Variants in SEC14L6 observed in about 807,000 individuals in gnomAD.
The protein encoded by SEC14L6 is SEC14-like protein 6.
In SEC14L6, 40 loss-of-function variants were observed where a neutral mutation model predicts 54.1. The ratio of observed to expected loss-of-function variants is 0.74; its 90% CI spans 0.57 to 0.96. The LOEUF (loss-of-function observed/expected upper bound fraction) is 0.96, where lower values mean the gene tolerates loss of function less well. Ranked by LOEUF, SEC14L6 falls within the 40% of genes least tolerant of loss-of-function variation. The probability of loss-of-function intolerance (pLI) is 0.00; values close to 1 mark genes in which losing one functional copy is unlikely to be tolerated. For synonymous variants in SEC14L6, 171 were observed against 198.4 expected, an observed-to-expected ratio of 0.86 and a Z score of 1.16; for missense variants, 471 against 498.3, an observed-to-expected ratio of 0.95 and a Z score of 0.52.
Position 30,523,717 on chromosome 22 carries a change from T to C in SEC14L6, c.*1280A>G, listed in dbSNP as rs1310997448. 6.6e-6 allele frequency: 1 copy of C among 152,168 alleles called. No homozygotes were observed. The highest frequency in any genetic ancestry group is 1.5e-5 in the Non-Finnish European group (1 of 68,040). 9.4% of individuals were successfully genotyped at this position (152,168 alleles called of 1,614,324 possible). On this transcript the variant is annotated 3_prime_UTR_variant, in exon 12 of 12. Coordinates refer to ENST00000402034, the MANE Select transcript of SEC14L6 (RefSeq NM_001193336.4). ...TCCAGAGCTCAAGCAGATTCTCAGA[T>C]GCTATAACAGTGGGAGGGAACGTGT...
chr22:30,525,299 C>A, intron 11 of SEC14L6, 51 bp downstream of exon 11: 2 of 1,583,852 alleles, frequency 1.3e-6, no homozygotes, highest in Non-Finnish European at 1.7e-6. Flanking sequence ...CATTGTAGCA[C>A]CCTCCCCCTA....
At chr22:30,534,539 G>A (rs1434501527) in intron 2 of SEC14L6, among the ~76,000 whole-genome samples, 1 of 151,848 alleles carries the variant, frequency 6.6e-6, no homozygotes, top group East Asian at 1.9e-4. Flanking sequence ...AGTCTCCTGA[G>A]TAGCTGAGAT....
Position 30,524,091 on chromosome 22 carries a change from G to A in SEC14L6, c.*906C>T, listed in dbSNP as rs538230014. On this transcript the variant is annotated 3_prime_UTR_variant, in exon 12 of 12. Coordinates refer to ENST00000402034, the MANE Select transcript of SEC14L6 (RefSeq NM_001193336.4). Reference sequence around the variant, plus strand: ...CAGCTAGTGACAGCCCTTATTCCACGGAGCCTGCTGAAATTATTCAAACTA... The same window carrying A: ...CAGCTAGTGACAGCCCTTATTCCACAGAGCCTGCTGAAATTATTCAAACTA... 8 of 152,260 alleles carry A rather than the reference G, an allele frequency of 5.3e-5. No homozygotes were observed. The highest frequency in any genetic ancestry group is 3.9e-4 in the East Asian group (2 of 5,178). The allele number at this position is 152,260 out of a possible 1,614,324, so 9.4% of individuals were successfully genotyped here.
At chr22:30,542,465 C>A (rs2085736714) in intron 1 of SEC14L6, 1 of 541,096 alleles carries the variant, frequency 1.8e-6, no homozygotes, top group Admixed American at 4.1e-5. Flanking sequence ...GCAGCGCTGA[C>A]CTCAGAAAAA....
At chr22:30,538,347 A>G (rs79202443) in intron 2 of SEC14L6, among the ~76,000 whole-genome samples, 6 of 151,732 alleles carry the variant, frequency 4.0e-5, no homozygotes, top group South Asian at 2.1e-4. Context: ...AAAAAAAAAA[A>G]AAAAGAAAGA....
In SEC14L6 at chr22:30,525,387, AG is replaced by A. The variant is rs780582977; in HGVS notation, c.1043del (p.Pro348LeufsTer16). 5 of 1,614,132 alleles carry A rather than the reference AG, an allele frequency of 3.1e-6. No homozygotes were observed. The highest frequency in any genetic ancestry group is 3.4e-6 in the Non-Finnish European group (4 of 1,180,008). ...GGAGGCAGGTGAGAATCCCATCTTC[AG>A]GCACCATGTGGGCATTGTAGCGCTG... Reference protein sequence around the residue: ...PSQRYNAHMVPEDGILTCLQA... With the variant: ...PSQRYNAHMVXEDGILTCLQA... On this transcript the variant is annotated frameshift_variant, in exon 11 of 12. Transcript: ENST00000402034. LOFTEE classifies it high-confidence loss of function.
Position 30,546,618 on chromosome 22 carries a change from C to T in SEC14L6, c.54+11G>A. ...ACTGAGGCTGGTGTAGGAGTCTCTCCCTTCACTCACCTGGGCCAGCGACTT... is the reference window on the plus strand; with the variant it reads ...ACTGAGGCTGGTGTAGGAGTCTCTCTCTTCACTCACCTGGGCCAGCGACTT... On this transcript the variant is annotated intron_variant, in intron 1 of 11. Transcript: ENST00000402034. The T allele has an allele frequency of 2.6e-6, 4 of 1,549,872 alleles. No individual in the cohort carries two copies. Among genetic ancestry groups the T allele is most frequent in the Non-Finnish European group, 3.5e-6 (4 of 1,146,514 alleles).
At position 30,532,590 on chromosome 22, in the gene SEC14L6, A is replaced by G. The variant is rs776464574; in HGVS notation, c.358T>C (p.Leu120=). The change falls in exon 5 of 12, where the codon TTG becomes CTG. Residue 120 remains leucine, a synonymous_variant. Coordinates refer to ENST00000402034, the MANE Select transcript of SEC14L6 (RefSeq NM_001193336.4). ...GLLLSASKQE[L]LRDSFRSCEL... ...CAGCTCCGGAAGCTGTCCCTGAGCA[A>G]CTCCTGTTTGGAGGCTGAGAGCAAG... is the stretch of plus-strand genomic sequence containing the variant. 1.3e-6 allele frequency: 2 copies of G among 1,550,386 alleles called. No homozygotes were observed.
chr22:30,537,271 C>A (rs986315875), intron 2 of SEC14L6, among the ~76,000 whole-genome samples: 4 of 152,100 alleles, frequency 2.6e-5, no homozygotes, highest in African/African-American at 9.7e-5. Context: ...GATGGAGTCA[C>A]CCATGCTCGC....
chr22:30,540,367 CTTTTT>C (rs753718105), intron 1 of SEC14L6, among the ~76,000 whole-genome samples: 1,357 of 114,034 alleles, frequency 0.012, 15 homozygotes, highest in African/African-American at 0.039. Flanking sequence ...CTTTTTGTTC[CTTTTT>C]TTTTTTTTTT....
intron 8 of SEC14L6, 111 bp downstream of exon 8, chr22:30,528,976 C>T (rs1412801668): frequency 3.7e-5 from 35 of 953,682 alleles, no homozygotes; most frequent in Non-Finnish European, 5.3e-5. Context: ...GGGCCCTCAA[C>T]ACCAGTTGGG....
At position 30,532,548 on chromosome 22, in the gene SEC14L6, C is replaced by T; in HGVS notation, c.400G>A (p.Glu134Lys). The change falls in exon 5 of 12, where the codon GAG becomes AAG. Residue 134 changes from glutamate (E) to lysine (K), a missense_variant. By Grantham distance (56) the Glu-to-Lys change is moderately conservative. Coordinates refer to ENST00000402034, the MANE Select transcript of SEC14L6 (RefSeq NM_001193336.4). ...ACCTTCTGACTCTGCAGCTCACACT[C>T]CCGCAGGAGCAGCTCGCAGCTCCGG... is the stretch of plus-strand genomic sequence containing the variant. ...SFRSCELLLR[E>K]CELQSQKLGK... 1 of 1,550,170 alleles carries T rather than the reference C, an allele frequency of 6.5e-7. No individual in the cohort carries two copies. The highest frequency in any genetic ancestry group is 1.2e-5 in the South Asian group (1 of 84,012).
intron 1 of SEC14L6, chr22:30,543,166 C>T: frequency 6.2e-7 from 1 of 1,603,784 alleles, no homozygotes. Flanking sequence ...CAACGTGGAC[C>T]CCGCAAGAGA....
chr22:30,530,738 C>T (rs1190789341), intron 6 of SEC14L6, among the ~76,000 whole-genome samples: 1 of 152,238 alleles, frequency 6.6e-6, no homozygotes, highest in Non-Finnish European at 1.5e-5. Flanking sequence ...TCTTTGCTGT[C>T]CTGGGTGAAA....
chr22:30,544,135 C>A, intron 1 of SEC14L6: 1 of 1,239,526 alleles, frequency 8.1e-7, no homozygotes, highest in Non-Finnish European at 1.1e-6. Flanking sequence ...CCTTGTCCCA[C>A]AAGGAGCCGC....
At chr22:30,536,811 G>A (rs1601893788) in intron 2 of SEC14L6, among the ~76,000 whole-genome samples, 1 of 152,038 alleles carries the variant, frequency 6.6e-6, no homozygotes, top group African/African-American at 2.4e-5. Context: ...GATCACTTGA[G>A]GTCAGGAGTT....
rs1936696479 is a variant in SEC14L6 at position 30,524,324 on chromosome 22, A to G, written c.*673T>C. The stretch of plus-strand genomic sequence containing the variant: ...GTAATAAACTATCTTTTCAATGGTA[A>G]TTATTTCCTGATCTGTCAGCTATAC... On this transcript the variant is annotated 3_prime_UTR_variant, in exon 12 of 12. Transcript: ENST00000402034. 6.6e-6 allele frequency: 1 copy of G among 152,066 alleles called. No homozygotes were observed. The highest frequency in any genetic ancestry group is 2.4e-5 in the African/African-American group (1 of 41,388). 9.4% of individuals were successfully genotyped at this position (152,066 alleles called of 1,614,324 possible).
intron 1 of SEC14L6, among the ~76,000 whole-genome samples, chr22:30,540,356 C>G (rs1031260667): frequency 6.8e-6 from 1 of 146,742 alleles, no homozygotes; most frequent in Non-Finnish European, 1.5e-5. Flanking sequence ...CACTGCCCCT[C>G]CTTTTTGTTC....
At chr22:30,543,086 A>T (rs1338663893) in intron 1 of SEC14L6, 2 of 1,599,774 alleles carry the variant, frequency 1.3e-6, no homozygotes, top group Non-Finnish European at 1.7e-6. Flanking sequence ...TGCGAGTCTC[A>T]TGGCTTCTCA....
Sources: allele counts gnomAD v4.1 joint callset (sites outside exome capture counted in the v4.1 genomes callset), GRCh38; gene constraint gnomAD v4.1.1; transcripts MANE v1.5; gene names NCBI Gene and HGNC (gene_info 2026-07-23, HGNC 2026-07-21).